Variants in NFX1 observed in about 807,000 individuals in gnomAD.
NFX1 encodes transcriptional repressor NF-X1.
NFX1 carries 69 observed loss-of-function variants against 137.2 expected under a neutral mutation model. The ratio of observed to expected loss-of-function variants is 0.50; its 90% CI spans 0.41 to 0.61. NFX1 has a LOEUF of 0.61. NFX1 is among the 20% of genes least tolerant of loss of function. The pLI is 0.00. For synonymous variants in NFX1, 495 were observed against 474.1 expected (o/e 1.04, Z -0.57); for missense variants, 1,167 against 1,391.0 (o/e 0.84, Z 2.56).
chr9:33,295,250 C>G lies in NFX1; in HGVS notation c.856C>G (p.Leu286Val). 1 of 1,614,030 alleles carries G rather than the reference C, an allele frequency of 6.2e-7. No individual in the cohort carries two copies. Among genetic ancestry groups the G allele is most frequent in the Middle Eastern group, 1.6e-4 (1 of 6,062 alleles). ...NNMGPIPKDD[L>V]NERPAKSTCD... Reference sequence around the variant, plus strand: ...CATGGGCCCCATTCCAAAGGATGACCTCAATGAAAGACCAGCAAAATCTAC... The same window carrying G: ...CATGGGCCCCATTCCAAAGGATGACGTCAATGAAAGACCAGCAAAATCTAC... Residue 286 changes from leucine (L) to valine (V), a missense_variant, in exon 2 of 24, where the codon CTC becomes GTC. Physicochemically the swap from Leu to Val is conservative, Grantham distance 32. Transcript: ENST00000379540.
chr9:33,343,175 T>G (rs1157228835), intron 13 of NFX1, among the ~76,000 whole-genome samples: 1 of 152,192 alleles, frequency 6.6e-6, no homozygotes, highest in Non-Finnish European at 1.5e-5. Context: ...AGCAGCAGTT[T>G]GCAAACTTTT....
chr9:33,328,522 G>C, intron 9 of NFX1, 59 bp from the exon 10 acceptor site: 1 of 1,308,638 alleles, frequency 7.6e-7, no homozygotes, highest in South Asian at 1.2e-5. Context: ...AGCAAATTTG[G>C]GAGTATGAAA....
At chr9:33,308,606 T>G (rs1240821401) in intron 5 of NFX1, among the ~76,000 whole-genome samples, 1 of 152,230 alleles carries the variant, frequency 6.6e-6, no homozygotes, top group Non-Finnish European at 1.5e-5. Flanking sequence ...TAAATAGTTA[T>G]GTAACCTTGG....
chr9:33,362,484 C>T (rs1824026157), intron 19 of NFX1, among the ~76,000 whole-genome samples: 1 of 152,004 alleles, frequency 6.6e-6, no homozygotes, highest in African/African-American at 2.4e-5. Context: ...ACCTGGAGGA[C>T]ATCATGTTAA....
intron 10 of NFX1, 57 bp from the exon 11 acceptor site, chr9:33,332,409 ATTATAG>A: frequency 6.9e-7 from 1 of 1,448,038 alleles, no homozygotes; most frequent in Non-Finnish European, 9.6e-7. Context: ...ATGGCATTAT[ATTATAG>A]TTGTATTATT....
chr9:33,338,397 C>T (rs957467457), intron 11 of NFX1, 113 bp from the exon 12 acceptor site: 14 of 954,604 alleles, frequency 1.5e-5, no homozygotes, highest in Non-Finnish European at 2.3e-5. Flanking sequence ...TACATTATTA[C>T]AATTGTATTA....
Position 33,364,760 on chromosome 9 carries a change from G to T in NFX1, c.3025G>T (p.Glu1009Ter), listed in dbSNP as rs1185603999. 1 of 1,613,908 alleles carries T rather than the reference G, an allele frequency of 6.2e-7. No homozygotes were observed. The change falls in exon 21 of 24, where the codon GAG becomes TAG. Residue 1009 changes from glutamate to a stop codon, truncating the protein, a stop_gained. Coordinates refer to ENST00000379540, the MANE Select transcript of NFX1 (RefSeq NM_002504.6). LOFTEE classifies it high-confidence loss of function. ...TGAGAAGGAAATGGAAACCCTCGTG[G>T]AGGCCGTGAATAAGGTTGAAGTCGA... ...DVEKEMETLV[E>*]AVNKGKNSKK...
At position 33,295,391 on chromosome 9, in the gene NFX1, CAG is replaced by C; in HGVS notation, c.999_1000del (p.Asn334ProfsTer15). ...QVVSPFSRGK[Q>X]NHVLKNVETH... ...AGTATCTCCTTTCTCCCGAGGCAAA[CAG>C]AACCATGTGCTAAAGAATGTGGAAA... On this transcript the variant is annotated frameshift_variant, in exon 2 of 24. Coordinates refer to ENST00000379540, the MANE Select transcript of NFX1 (RefSeq NM_002504.6). LOFTEE classifies it high-confidence loss of function. 1 of 1,613,998 alleles carries C rather than the reference CAG, an allele frequency of 6.2e-7. No homozygotes were observed. Among genetic ancestry groups the C allele is most frequent in the East Asian group, 2.2e-5 (1 of 44,888 alleles).
chr9:33,323,782 T>C (rs985068808), intron 9 of NFX1, among the ~76,000 whole-genome samples: 4 of 131,508 alleles, frequency 3.0e-5, no homozygotes, highest in South Asian at 4.6e-4. Context: ...AAAAAACAAA[T>C]AAATAAATAT....
intron 6 of NFX1, 145 bp downstream of exon 6, chr9:33,311,322 T>C: frequency 1.3e-6 from 1 of 783,488 alleles, no homozygotes; most frequent in Non-Finnish European, 2.1e-6. Context: ...AGTGAAAGTT[T>C]ATTAAAAAGC....
At chr9:33,363,669 A>G (rs148209983) in intron 19 of NFX1, among the ~76,000 whole-genome samples, 3 of 152,264 alleles carry the variant, frequency 2.0e-5, no homozygotes, top group African/African-American at 7.2e-5. Context: ...TTGTATGTCT[A>G]TTTTATGTAC....
At chr9:33,298,850 G>C (rs1050581195) in intron 2 of NFX1, among the ~76,000 whole-genome samples, 2 of 152,170 alleles carry the variant, frequency 1.3e-5, no homozygotes, top group African/African-American at 4.8e-5. Context: ...GGACAAGTTA[G>C]GAGGCTATTG....
Position 33,364,699 on chromosome 9 carries a change from T to C in NFX1, c.2973-9T>C, listed in dbSNP as rs1289859092. 1.1e-5 allele frequency: 18 copies of C among 1,612,202 alleles called. No homozygotes were observed. The highest frequency in any genetic ancestry group is 1.4e-5 in the Non-Finnish European group (16 of 1,179,072). On this transcript the variant is annotated splice_polypyrimidine_tract_variant and intron_variant, in intron 20 of 23. Coordinates refer to ENST00000379540, the MANE Select transcript of NFX1 (RefSeq NM_002504.6). ...ACAGACAAAATTAACTGGTGATTTCTCATTTCAGGAAGGACTTAAAGTTTG... is the reference window on the plus strand; with the variant it reads ...ACAGACAAAATTAACTGGTGATTTCCCATTTCAGGAAGGACTTAAAGTTTG...
Position 33,290,546 on chromosome 9 carries a change from A to T in NFX1, c.-27A>T. On this transcript the variant is annotated 5_prime_UTR_variant, in exon 1 of 24. Coordinates refer to ENST00000379540, the MANE Select transcript of NFX1 (RefSeq NM_002504.6). ...GGTGACAGTGCTGACTTGGCTGTACAGCTCGATCTAGGTTCTGCGGCACGG... is the reference window on the plus strand; with the variant it reads ...GGTGACAGTGCTGACTTGGCTGTACTGCTCGATCTAGGTTCTGCGGCACGG... 6.2e-7 allele frequency: 1 copy of T among 1,613,936 alleles called. No homozygotes were observed. The highest frequency in any genetic ancestry group is 8.5e-7 in the Non-Finnish European group (1 of 1,179,936).
In NFX1 at chr9:33,319,131, A is replaced by G. The variant is rs757638469; in HGVS notation, c.1906+4A>G. 9.3e-6 allele frequency: 15 copies of G among 1,613,760 alleles called. No individual in the cohort carries two copies. The highest frequency in any genetic ancestry group is 1.3e-5 in the African/African-American group (1 of 75,058). On this transcript the variant is annotated splice_donor_region_variant and intron_variant, in intron 9 of 23. Transcript: ENST00000379540. ...CCTCTGCCTTGTGGTTCCTTAGGTA[A>G]CTAGTAAGCGTAAAGTTGGCTTTAA...
intron 9 of NFX1, among the ~76,000 whole-genome samples, chr9:33,324,480 G>A (rs1237847310): frequency 6.6e-6 from 1 of 152,172 alleles, no homozygotes; most frequent in Non-Finnish European, 1.5e-5. Flanking sequence ...GAGTCCAAGA[G>A]GTTGAGGTTG....
At chr9:33,324,056 C>T (rs755948726) in intron 9 of NFX1, among the ~76,000 whole-genome samples, 1 of 152,034 alleles carries the variant, frequency 6.6e-6, no homozygotes, top group Non-Finnish European at 1.5e-5. Flanking sequence ...AGCCTGAGCA[C>T]GTAGTGAGAC....
chr9:33,302,967 C>CTTTT (rs35723578), intron 3 of NFX1, among the ~76,000 whole-genome samples: 1 of 119,304 alleles, frequency 8.4e-6, no homozygotes. Context: ...CACACCTGGC[C>CTTTT]TTTTTTTTTT....
intron 10 of NFX1, among the ~76,000 whole-genome samples, chr9:33,330,775 T>C (rs1054850837): frequency 3.9e-5 from 6 of 152,162 alleles, no homozygotes; most frequent in African/African-American, 1.4e-4. Flanking sequence ...TGAAAAGCTA[T>C]GTGTAAGTTG....
Sources: gnomAD v4.1 joint callset for allele counts (sites outside exome capture counted in the v4.1 genomes callset) on GRCh38, gnomAD v4.1.1 for gene constraint, MANE v1.5 for transcripts, NCBI Gene and HGNC (gene_info 2026-07-23, HGNC 2026-07-21) for gene names.